Variants in GALNT13 observed in about 807,000 individuals in gnomAD.
GALNT13 encodes UDP-GalNAc:polypeptide N-acetylgalactosaminyltransferase 13.
A neutral mutation model predicts 64.2 loss-of-function variants in GALNT13; 28 were observed. The observed-to-expected ratio is 0.44, with a 90% CI of 0.32 to 0.60. The LOEUF is 0.60. Ranked by LOEUF, GALNT13 falls within the 20% of genes least tolerant of loss-of-function variation. GALNT13 has a pLI of 0.05. For missense variants in GALNT13, 577 were observed against 669.8 expected (o/e 0.86, Z 1.53); for synonymous variants, 214 against 224.6 (o/e 0.95, Z 0.42).
At chr2:153,388,477 G>A in the GALNT13 span, among the ~76,000 whole-genome samples, 1 of 152,032 alleles carries the variant, frequency 6.6e-6, no homozygotes, top group Admixed American at 6.6e-5. Flanking sequence ...AAAGCATTTA[G>A]TTTGGTGCCA....
the GALNT13 span, among the ~76,000 whole-genome samples, chr2:153,341,839 C>T: frequency 1.3e-5 from 2 of 152,098 alleles, no homozygotes; most frequent in Non-Finnish European, 2.9e-5. Flanking sequence ...GCTGAACTTT[C>T]CCCAGGGTAT....
the GALNT13 span, among the ~76,000 whole-genome samples, chr2:153,438,019 T>G: frequency 2.0e-5 from 3 of 152,364 alleles, no homozygotes; most frequent in South Asian, 6.2e-4. Flanking sequence ...AGGGCAGGCC[T>G]GGTGGTGACA....
At chr2:153,956,251 A>C (rs1229792016) in intron 3 of GALNT13, among the ~76,000 whole-genome samples, 1 of 152,204 alleles carries the variant, frequency 6.6e-6, no homozygotes, top group Non-Finnish European at 1.5e-5. Flanking sequence ...GGAGCTGACA[A>C]AAAAACTAAT....
chr2:153,083,802 A>G, the GALNT13 span, among the ~76,000 whole-genome samples: 57,882 of 152,090 alleles, frequency 0.38, 11,325 homozygotes, highest in Non-Finnish European at 0.43. Flanking sequence ...TGCTCATGAA[A>G]TCTTTGCCTA....
intron 4 of GALNT13, among the ~76,000 whole-genome samples, chr2:154,195,879 A>G (rs928822663): frequency 6.6e-6 from 1 of 152,120 alleles, no homozygotes; most frequent in African/African-American, 2.4e-5. Context: ...TGCTCATGGT[A>G]CCAGAACCCT....
chr2:154,335,446 T>G (rs1695390979), intron 9 of GALNT13, among the ~76,000 whole-genome samples: 1 of 152,002 alleles, frequency 6.6e-6, no homozygotes, highest in Non-Finnish European at 1.5e-5. Context: ...TCTCCCCTTT[T>G]CAGGGGGTGG....
chr2:153,753,088 T>G, the GALNT13 span, among the ~76,000 whole-genome samples: 1 of 152,238 alleles, frequency 6.6e-6, no homozygotes, highest in East Asian at 1.9e-4. Flanking sequence ...GAATTTCTGC[T>G]TGTTTCCTGT....
the GALNT13 span, among the ~76,000 whole-genome samples, chr2:153,414,386 TA>T: frequency 0.018 from 2,273 of 128,850 alleles, 51 homozygotes; most frequent in African/African-American, 0.061. Context: ...AAAATAAAAA[TA>T]AAAAAAAAAT....
At chr2:153,743,083 G>A in the GALNT13 span, among the ~76,000 whole-genome samples, 1 of 105,504 alleles carries the variant, frequency 9.5e-6, no homozygotes, top group African/African-American at 3.6e-5. Context: ...AAAGTAGGGG[G>A]AGGGGAAAAG....
At chr2:154,006,901 A>T (rs963089414) in intron 3 of GALNT13, among the ~76,000 whole-genome samples, 22 of 152,270 alleles carry the variant, frequency 1.4e-4, no homozygotes, top group African/African-American at 5.3e-4. Flanking sequence ...AGTGACCCAC[A>T]TTTTTTGTCA....
chr2:153,818,211 TC>T, the GALNT13 span, among the ~76,000 whole-genome samples: 1 of 151,978 alleles, frequency 6.6e-6, no homozygotes, highest in Non-Finnish European at 1.5e-5. Context: ...ACCCATGGCT[TC>T]CCCCCGAGGG....
chr2:153,433,658 C>T, the GALNT13 span, among the ~76,000 whole-genome samples: 3 of 151,966 alleles, frequency 2.0e-5, no homozygotes, highest in Admixed American at 6.6e-5. Flanking sequence ...TAGAGTTTAG[C>T]GGAGCAGGAA....
intron 3 of GALNT13, among the ~76,000 whole-genome samples, chr2:154,066,718 A>G (rs1180565482): frequency 6.6e-6 from 1 of 152,198 alleles, no homozygotes; most frequent in African/African-American, 2.4e-5. Flanking sequence ...GACCTGTCCT[A>G]CAAGAAATAC....
At chr2:154,062,167 G>T (rs773849649) in intron 3 of GALNT13, among the ~76,000 whole-genome samples, 65 of 152,134 alleles carry the variant, frequency 4.3e-4, no homozygotes, top group Non-Finnish European at 7.1e-4. Context: ...TAATAGTTTT[G>T]CCAGACATGT....
At chr2:153,248,612 G>A in the GALNT13 span, among the ~76,000 whole-genome samples, 1 of 151,704 alleles carries the variant, frequency 6.6e-6, no homozygotes, top group Non-Finnish European at 1.5e-5. Flanking sequence ...AGGAGATGGC[G>A]ACCATCCTGG....
At chr2:154,215,134 G>C (rs1374969365) in intron 4 of GALNT13, among the ~76,000 whole-genome samples, 2 of 152,152 alleles carry the variant, frequency 1.3e-5, no homozygotes, top group Non-Finnish European at 2.9e-5. Context: ...TGACAGCATT[G>C]TTTGCACACA....
At chr2:154,084,237 G>GT (rs2105422158) in intron 3 of GALNT13, among the ~76,000 whole-genome samples, 1 of 151,810 alleles carries the variant, frequency 6.6e-6, no homozygotes, top group East Asian at 1.9e-4. Context: ...TCTTACATTT[G>GT]TTTTTCTGGC....
At chr2:153,783,375 T>C in the GALNT13 span, among the ~76,000 whole-genome samples, 1 of 151,878 alleles carries the variant, frequency 6.6e-6, no homozygotes, top group Non-Finnish European at 1.5e-5. Flanking sequence ...AATAAAAGAA[T>C]CATCTAAGAG....
At chr2:153,105,449 T>C in the GALNT13 span, among the ~76,000 whole-genome samples, 1 of 152,156 alleles carries the variant, frequency 6.6e-6, no homozygotes, top group Non-Finnish European at 1.5e-5. Flanking sequence ...AGCATTCCCT[T>C]TGAAAACTGG....
Sources: gnomAD v4.1 joint callset for allele counts (sites outside exome capture counted in the v4.1 genomes callset) on GRCh38, gnomAD v4.1.1 for gene constraint, MANE v1.5 for transcripts, NCBI Gene and HGNC (gene_info 2026-07-23, HGNC 2026-07-21) for gene names.